CHD9: variants seen among roughly 807,000 people sequenced by gnomAD.
The protein encoded by CHD9 is ATP-dependent chromatin remodeler CHD9.
In CHD9, 77 loss-of-function variants were observed where a neutral mutation model predicts 316.1. The observed-to-expected ratio is 0.24, with a 90% confidence interval of 0.20 to 0.29. The LOEUF (loss-of-function observed/expected upper bound fraction) is 0.29. CHD9 is among the 10% of genes least tolerant of loss of function. The pLI, the probability that CHD9 is intolerant of heterozygous loss-of-function variation, is 1.00. For synonymous variants in CHD9, 1,129 were observed against 1,158.3 expected (o/e 0.97, Z 0.51); for missense variants, 2,763 against 3,438.1 (o/e 0.80, Z 4.91).
intron 28 of CHD9, 150 bp from the exon 29 acceptor site, chr16:53,292,683 G>A (rs1207337762): frequency 1.6e-6 from 1 of 636,542 alleles, no homozygotes; most frequent in African/African-American, 1.8e-5. Context: ...GTTTCTTATA[G>A]CTATTGTTAA....
chr16:53,313,304 G>A (rs948388330), intron 34 of CHD9, among the ~76,000 whole-genome samples: 4 of 151,852 alleles, frequency 2.6e-5, no homozygotes, highest in African/African-American at 9.7e-5. Flanking sequence ...GTTATAAAAA[G>A]GACAAAGTGT....
In CHD9 at chr16:53,297,176, T is replaced by C; in HGVS notation, c.5713+18T>C. Reference sequence around the variant, plus strand: ...CAAAGAAGGTATGTATAAAATTTCTTTTTCCTGGTTTCGGTCAAAGAAGCA... The same window carrying C: ...CAAAGAAGGTATGTATAAAATTTCTCTTTCCTGGTTTCGGTCAAAGAAGCA... On this transcript the variant is annotated intron_variant, in intron 30 of 38. Transcript: ENST00000447540. The C allele has an allele frequency of 6.3e-7, 1 of 1,586,020 alleles. No homozygotes were observed. Among genetic ancestry groups the C allele is most frequent in the Non-Finnish European group, 8.6e-7 (1 of 1,162,128 alleles).
intron 1 of CHD9, among the ~76,000 whole-genome samples, chr16:53,097,556 T>C (rs893547494): frequency 6.6e-6 from 1 of 152,150 alleles, no homozygotes; most frequent in Non-Finnish European, 1.5e-5. Flanking sequence ...TGAGCCACCG[T>C]ACCTGGTCTG....
chr16:53,213,964 A>G (rs2046535822), intron 3 of CHD9, among the ~76,000 whole-genome samples: 1 of 152,200 alleles, frequency 6.6e-6, no homozygotes, highest in African/African-American at 2.4e-5. Context: ...GGTACTACAA[A>G]TAACTTCTAG....
intron 11 of CHD9, 134 bp downstream of exon 11, chr16:53,235,440 G>A: frequency 4.8e-6 from 3 of 622,104 alleles, no homozygotes; most frequent in Non-Finnish European, 7.7e-6. Context: ...GTTACCTCAG[G>A]AACATATGTA....
chr16:53,196,339 G>A (rs1373557635), intron 2 of CHD9, among the ~76,000 whole-genome samples: 4 of 152,104 alleles, frequency 2.6e-5, no homozygotes, highest in Non-Finnish European at 4.4e-5. Context: ...CTACCCTAAT[G>A]TCCCATCCCT....
In CHD9 at chr16:53,181,704, C is replaced by T. The variant is rs539630623; in HGVS notation, c.1452+24163C>T. On this transcript the variant is annotated intron_variant, in intron 2 of 38. Transcript: ENST00000447540. ...CTCAACATGATATTGAATGAGTTAA[C>T]ATCTAAAGCACTGTTTAATTTATTT... Among the ~76,000 whole-genome samples, 20 of 152,250 alleles carry T rather than the reference C, an allele frequency of 1.3e-4. No homozygotes were observed. The South Asian group carries it at 3.7e-3, about 28-fold the overall frequency.
chr16:53,238,717 T>G (rs190977013), intron 12 of CHD9, 131 bp downstream of exon 12: 6 of 932,930 alleles, frequency 6.4e-6, no homozygotes, highest in East Asian at 4.8e-5. Context: ...AGTTCTTTTA[T>G]TCATCATTTT....
At chr16:53,191,743 G>T (rs1188063396) in intron 2 of CHD9, among the ~76,000 whole-genome samples, 1 of 152,054 alleles carries the variant, frequency 6.6e-6, no homozygotes, top group African/African-American at 2.4e-5. Context: ...TTCAAGTTCA[G>T]TCTTTTTGTG....
chr16:53,225,327 T>G (rs538842785), intron 4 of CHD9, among the ~76,000 whole-genome samples: 1 of 152,256 alleles, frequency 6.6e-6, no homozygotes, highest in South Asian at 2.1e-4. Flanking sequence ...TGCCAAATAT[T>G]GAGCAATTGA....
Position 53,321,624 on chromosome 16 carries a change from G to A in CHD9, c.7812G>A (p.Lys2604=). Residue 2604 remains lysine (K), a synonymous_variant, in exon 38 of 39, where the codon AAG becomes AAA. Coordinates refer to ENST00000447540, the MANE Select transcript of CHD9 (RefSeq NM_001308319.2). ...GVAPEWGDVV[K]QSGFLPESMY... Reference sequence around the variant, plus strand: ...CTCCTGAATGGGGAGATGTTGTTAAGCAATCTGTGAGTATTTTACGAATAC... The same window carrying A: ...CTCCTGAATGGGGAGATGTTGTTAAACAATCTGTGAGTATTTTACGAATAC... 1.3e-6 allele frequency: 2 copies of A among 1,504,938 alleles called. No individual in the cohort carries two copies. Among genetic ancestry groups the A allele is most frequent in the Non-Finnish European group, 1.8e-6 (2 of 1,112,380 alleles). The allele number at this position is 1,504,938 out of a possible 1,614,324, so 93.2% of individuals were successfully genotyped here.
At chr16:53,267,771 T>A (rs1310756783) in intron 21 of CHD9, among the ~76,000 whole-genome samples, 156 bp from the exon 22 acceptor site, 2 of 152,172 alleles carry the variant, frequency 1.3e-5, no homozygotes, top group African/African-American at 4.8e-5. Flanking sequence ...TACTAGAAAT[T>A]ACTATACCAT....
intron 2 of CHD9, among the ~76,000 whole-genome samples, chr16:53,159,190 G>A (rs1187073926): frequency 6.6e-6 from 1 of 152,078 alleles, no homozygotes. Flanking sequence ...GCTGAGGTGA[G>A]CAGATAGCTC....
Position 53,238,518 on chromosome 16 carries a change from G to T in CHD9, c.2809G>T (p.Val937Phe). The part of the protein sequence containing the change: ...FRTWTDINVV[V>F]YHGSLISRQM... ...TACGTGGACTGATATTAACGTTGTG[G>T]TTTATCATGGGAGCCTGATTAGCAG... The change falls in exon 12 of 39, where the codon GTT (valine) becomes TTT (phenylalanine). Residue 937 changes from valine to phenylalanine, a missense_variant. Coordinates refer to ENST00000447540, the MANE Select transcript of CHD9 (RefSeq NM_001308319.2). 1 of 1,613,084 alleles carries T rather than the reference G, an allele frequency of 6.2e-7. No individual in the cohort carries two copies. The highest frequency in any genetic ancestry group is 8.5e-7 in the Non-Finnish European group (1 of 1,179,264).
chr16:53,132,691 C>T (rs1307823136), intron 1 of CHD9, among the ~76,000 whole-genome samples: 3 of 151,170 alleles, frequency 2.0e-5, no homozygotes, highest in African/African-American at 7.3e-5. Flanking sequence ...TGGAGCCTTA[C>T]GTTCGATATT....
chr16:53,263,445 A>G (rs1294541656), intron 20 of CHD9, among the ~76,000 whole-genome samples: 1 of 152,150 alleles, frequency 6.6e-6, no homozygotes, highest in Non-Finnish European at 1.5e-5. Context: ...TAATCTAGTA[A>G]AATGTAAATA....
chr16:53,123,382 A>G (rs2038831860), intron 1 of CHD9, among the ~76,000 whole-genome samples: 1 of 152,090 alleles, frequency 6.6e-6, no homozygotes, highest in African/African-American at 2.4e-5. Flanking sequence ...GTCCTAGGCA[A>G]CCACTAATCT....
chr16:53,286,508 C>G (rs1438971894), intron 26 of CHD9, among the ~76,000 whole-genome samples, 165 bp downstream of exon 26: 3 of 152,188 alleles, frequency 2.0e-5, no homozygotes, highest in African/African-American at 7.2e-5. Flanking sequence ...ACTTATCCAA[C>G]AGAATGTGAT....
intron 15 of CHD9, among the ~76,000 whole-genome samples, chr16:53,246,869 A>G (rs1021599791): frequency 1.7e-4 from 26 of 152,302 alleles, no homozygotes; most frequent in African/African-American, 6.3e-4. Context: ...CAAGATGCCC[A>G]TAGACACATC....
Sources: allele counts gnomAD v4.1 joint callset (sites outside exome capture counted in the v4.1 genomes callset), GRCh38; gene constraint gnomAD v4.1.1; transcripts MANE v1.5; gene names NCBI Gene and HGNC (gene_info 2026-07-23, HGNC 2026-07-21).